The following FMN2 variants were observed in gnomAD, a reference collection of about 807,000 sequenced individuals.
FMN2 encodes the protein formin-2.
In FMN2, 51 loss-of-function variants were observed where a neutral mutation model predicts 142.3. The observed-to-expected ratio is 0.36, with a 90% CI of 0.29 to 0.45. The LOEUF (loss-of-function observed/expected upper bound fraction) is 0.45, where lower values mean the gene tolerates loss of function less well. Among genes scored for constraint, FMN2 ranks in the 20% least tolerant of loss-of-function variants. FMN2 has a pLI of 1.00. For missense variants in FMN2, 1,936 were observed against 2,122.8 expected, an observed-to-expected ratio of 0.91 and a Z score of 1.73; for synonymous variants, 882 against 869.8, an observed-to-expected ratio of 1.01 and a Z score of -0.25.
chr1:240,391,399 C>T (rs574256607), intron 14 of FMN2, among the ~76,000 whole-genome samples: 143 of 151,420 alleles, frequency 9.4e-4, no homozygotes, highest in Admixed American at 2.4e-3. Flanking sequence ...TGACAGTTCT[C>T]GAGTGACCAT....
In FMN2 at chr1:240,368,156, CT is replaced by C. The variant is rs140732127; in HGVS notation, c.4858+12250del. 6.1e-3 allele frequency among the ~76,000 whole-genome samples: 923 copies of C among 152,226 alleles called. 10 individuals are homozygous for C. Among genetic ancestry groups the C allele is most frequent in the African/African-American group, 0.021 (893 of 41,548 alleles). On this transcript the variant is annotated intron_variant, in intron 14 of 17. Coordinates refer to ENST00000319653, the MANE Select transcript of FMN2 (RefSeq NM_020066.5). ...TATTTACTGTAGACTTCTAATAAGTCTTGAAATGTGAAAAGGCTAGATTCCT... is the reference window on the plus strand; with the variant it reads ...TATTTACTGTAGACTTCTAATAAGTCTGAAATGTGAAAAGGCTAGATTCCT...
chr1:240,372,713 C>T (rs2103071203), intron 14 of FMN2, among the ~76,000 whole-genome samples: 1 of 149,666 alleles, frequency 6.7e-6, no homozygotes, highest in South Asian at 2.1e-4. Flanking sequence ...CAGACCACCA[C>T]AGTAAAGCAA....
chr1:240,449,653 A>T (rs947960132), intron 16 of FMN2, among the ~76,000 whole-genome samples: 3 of 152,330 alleles, frequency 2.0e-5, no homozygotes, highest in African/African-American at 7.2e-5. Flanking sequence ...AATTAGGATC[A>T]TGTAGCTTGG....
At chr1:240,173,093 G>A (rs1463570063) in intron 2 of FMN2, among the ~76,000 whole-genome samples, 2 of 151,942 alleles carry the variant, frequency 1.3e-5, no homozygotes, top group East Asian at 1.9e-4. Context: ...CTGCCACCAC[G>A]CTCAGCTAAT....
intron 16 of FMN2, among the ~76,000 whole-genome samples, chr1:240,448,016 G>A (rs1675885353): frequency 6.6e-6 from 1 of 152,144 alleles, no homozygotes; most frequent in African/African-American, 2.4e-5. Context: ...AGTGTTCACA[G>A]TTTTGAAAAA....
chr1:240,324,391 C>A (rs1305654898), intron 8 of FMN2, among the ~76,000 whole-genome samples: 1 of 152,192 alleles, frequency 6.6e-6, no homozygotes, highest in African/African-American at 2.4e-5. Flanking sequence ...GGCGCAGAGG[C>A]TCATGCCTGT....
In FMN2 at chr1:240,474,916, GT is replaced by G. The variant is rs1676925714; in HGVS notation, c.*765del. 6.6e-6 allele frequency: 1 copy of G among 152,472 alleles called. No homozygotes were observed. Among genetic ancestry groups the G allele is most frequent in the Admixed American group, 6.6e-5 (1 of 15,256 alleles). The allele number at this position is 152,472 out of a possible 1,614,324, so 9.4% of individuals were successfully genotyped here. A position where few individuals can be genotyped will look rare whatever the true frequency, so the allele number is the denominator to read the frequency against. On this transcript the variant is annotated 3_prime_UTR_variant, in exon 18 of 18. Coordinates refer to ENST00000319653, the MANE Select transcript of FMN2 (RefSeq NM_020066.5). ...AAAACCAATGTTCTAAATCATAATT[GT>G]TTGTATTTATGTAAAGTATGGTCTC...
At chr1:240,181,107 T>G (rs766061550) in intron 3 of FMN2, among the ~76,000 whole-genome samples, 5 of 152,048 alleles carry the variant, frequency 3.3e-5, no homozygotes, top group Non-Finnish European at 7.4e-5. Context: ...CGGGTTCAAG[T>G]GATTTTCCCT....
chr1:240,315,888 C>T (rs985706419), intron 8 of FMN2, among the ~76,000 whole-genome samples: 3 of 152,068 alleles, frequency 2.0e-5, no homozygotes, highest in Non-Finnish European at 4.4e-5. Flanking sequence ...ATTTAAGTGG[C>T]CCTTTAATAA....
chr1:240,256,293 G>A (rs938456691), intron 6 of FMN2, among the ~76,000 whole-genome samples: 5 of 151,972 alleles, frequency 3.3e-5, no homozygotes, highest in African/African-American at 1.2e-4. Flanking sequence ...GTACTAATAG[G>A]CCCATATTCT....
intron 1 of FMN2, among the ~76,000 whole-genome samples, chr1:240,102,990 G>A (rs541827269): frequency 5.3e-4 from 81 of 151,534 alleles, no homozygotes; most frequent in African/African-American, 1.8e-3. Flanking sequence ...TCAGCCTCCC[G>A]AGTAGCTGGG....
chr1:240,366,604 A>G (rs1330729726), intron 14 of FMN2, among the ~76,000 whole-genome samples: 3 of 150,336 alleles, frequency 2.0e-5, no homozygotes, highest in Non-Finnish European at 4.4e-5. Flanking sequence ...CAATGGCACG[A>G]TCTCGGCTCA....
At chr1:240,347,955 AC>A (rs1311289035) in intron 13 of FMN2, among the ~76,000 whole-genome samples, 1 of 152,138 alleles carries the variant, frequency 6.6e-6, no homozygotes. Flanking sequence ...ATGGGCAGGC[AC>A]CCTGGTTGCT....
intron 6 of FMN2, among the ~76,000 whole-genome samples, chr1:240,241,891 C>T (rs1230695885): frequency 2.2e-5 from 3 of 139,026 alleles, no homozygotes; most frequent in South Asian, 2.3e-4. Flanking sequence ...GGCTGGATCT[C>T]GCCTCACTGC....
At chr1:240,257,440 A>C (rs868628736) in intron 6 of FMN2, among the ~76,000 whole-genome samples, 1 of 152,200 alleles carries the variant, frequency 6.6e-6, no homozygotes, top group Non-Finnish European at 1.5e-5. Context: ...CCCAAGTGAA[A>C]GCACTTTTTT....
At chr1:240,424,564 C>A (rs1256734156) in intron 15 of FMN2, among the ~76,000 whole-genome samples, 3 of 152,208 alleles carry the variant, frequency 2.0e-5, no homozygotes, top group African/African-American at 7.2e-5. Flanking sequence ...TCTTATCACA[C>A]TCCAAATACA....
At chr1:240,142,653 C>G in intron 2 of FMN2, 5 of 1,599,448 alleles carry the variant, frequency 3.1e-6, no homozygotes, top group Non-Finnish European at 3.4e-6. Flanking sequence ...CAGTTCAGAG[C>G]CCCTGGTGGT....
intron 2 of FMN2, among the ~76,000 whole-genome samples, chr1:240,153,988 T>C (rs1272345910): frequency 6.6e-6 from 1 of 151,418 alleles, no homozygotes; most frequent in Non-Finnish European, 1.5e-5. Context: ...TGGTGGTGCA[T>C]GCCTGTAATC....
intron 15 of FMN2, among the ~76,000 whole-genome samples, chr1:240,419,748 C>T (rs1415379755): frequency 6.6e-6 from 1 of 152,124 alleles, no homozygotes; most frequent in Non-Finnish European, 1.5e-5. Flanking sequence ...GTTTCAGGGT[C>T]CTTCCTCACA....
Sources: allele counts gnomAD v4.1 joint callset (sites outside exome capture counted in the v4.1 genomes callset), GRCh38; gene constraint gnomAD v4.1.1; transcripts MANE v1.5; gene names NCBI Gene and HGNC (gene_info 2026-07-23, HGNC 2026-07-21).